SPATA31H1: variants seen among roughly 807,000 people sequenced by gnomAD.
SPATA31H1 encodes SPATA31 subfamily H member 1, also known as spermatogenesis-associated protein 31H1.
At chr2:27,577,848 C>G in the SPATA31H1 span, 1 of 1,614,102 alleles carries the variant, frequency 6.2e-7, no homozygotes. The surrounding 1 kb of genome is among the most constrained non-coding windows in gnomAD (Gnocchi z 4.5). Flanking sequence ...GCAAACAAGT[C>G]AAGTTATAGG....
At chr2:27,542,609 C>T in the SPATA31H1 span, among the ~76,000 whole-genome samples, 3 of 151,886 alleles carry the variant, frequency 2.0e-5, no homozygotes, top group Non-Finnish European at 2.9e-5. Context: ...ATCTTGAAGA[C>T]AGATATGGCT....
the SPATA31H1 span, chr2:27,577,793 T>C: frequency 6.2e-7 from 1 of 1,614,096 alleles, no homozygotes; most frequent in Non-Finnish European, 8.5e-7. The surrounding 1 kb of genome is among the most constrained non-coding windows in gnomAD (Gnocchi z 4.5). Context: ...ATCTGACCTG[T>C]AAGCAATGGC....
chr2:27,556,711 A>AT, the SPATA31H1 span, among the ~76,000 whole-genome samples: 3 of 134,620 alleles, frequency 2.2e-5, no homozygotes, highest in African/African-American at 8.5e-5. Context: ...TTTTTAATTA[A>AT]TTTATTTTTT....
the SPATA31H1 span, among the ~76,000 whole-genome samples, chr2:27,559,125 T>C: frequency 1.3e-5 from 2 of 152,246 alleles, no homozygotes; most frequent in African/African-American, 4.8e-5. Flanking sequence ...ATTTTATATA[T>C]AATTTTGAAG....
chr2:27,545,100 G>T, the SPATA31H1 span, among the ~76,000 whole-genome samples: 1 of 150,526 alleles, frequency 6.6e-6, no homozygotes, highest in East Asian at 2.0e-4. Flanking sequence ...TCGGCTCACT[G>T]CAACCTCCAT....
the SPATA31H1 span, chr2:27,569,898 G>A: frequency 5.5e-5 from 22 of 398,664 alleles, no homozygotes; most frequent in East Asian, 2.8e-4. Context: ...TCTTCAAGGC[G>A]AAAAACCTGT....
the SPATA31H1 span, among the ~76,000 whole-genome samples, chr2:27,542,895 G>A: frequency 6.6e-6 from 1 of 151,888 alleles, no homozygotes; most frequent in African/African-American, 2.4e-5. Flanking sequence ...TCAGGAGTTC[G>A]AGACCACCCT....
chr2:27,549,756 C>G, the SPATA31H1 span, among the ~76,000 whole-genome samples: 1 of 151,938 alleles, frequency 6.6e-6, no homozygotes, highest in Non-Finnish European at 1.5e-5. Context: ...TTGCAGTGAG[C>G]TAAGATCACA....
chr2:27,577,091 T>G, the SPATA31H1 span: 1 of 1,614,140 alleles, frequency 6.2e-7, no homozygotes, highest in Non-Finnish European at 8.5e-7. The surrounding 1 kb of genome is among the most constrained non-coding windows in gnomAD (Gnocchi z 4.5). Flanking sequence ...AAGGCATAGA[T>G]ACTGTAGAGA....
At chr2:27,567,055 T>A in the SPATA31H1 span, 2 of 717,360 alleles carry the variant, frequency 2.8e-6, no homozygotes, top group Non-Finnish European at 5.2e-6. Context: ...AAATCAAAAA[T>A]TTTTCAGAAT....
chr2:27,548,168 A>G, the SPATA31H1 span, among the ~76,000 whole-genome samples: 4 of 151,546 alleles, frequency 2.6e-5, no homozygotes, highest in Admixed American at 2.6e-4. Flanking sequence ...TTTTTAGTAG[A>G]GACGGGGTTT....
At chr2:27,543,370 TTAAGAG>T in the SPATA31H1 span, among the ~76,000 whole-genome samples, 3 of 152,060 alleles carry the variant, frequency 2.0e-5, no homozygotes, top group African/African-American at 7.3e-5. Context: ...AACATCATGT[TTAAGAG>T]TAAAAGACAA....
chr2:27,540,011 G>A, the SPATA31H1 span, among the ~76,000 whole-genome samples: 1 of 130,918 alleles, frequency 7.6e-6, no homozygotes, highest in African/African-American at 2.9e-5. Context: ...TGGCCGGGCG[G>A]GGGGCTGACC....
the SPATA31H1 span, chr2:27,580,959 G>A: frequency 3.2e-5 from 51 of 1,614,048 alleles, no homozygotes; most frequent in Non-Finnish European, 4.2e-5. Context: ...TTCCCAAAGT[G>A]GTATTGCTTT....
chr2:27,560,771 T>G, the SPATA31H1 span, among the ~76,000 whole-genome samples: 3 of 152,266 alleles, frequency 2.0e-5, no homozygotes, highest in Middle Eastern at 3.4e-3. Context: ...ATAAAGAATA[T>G]TTCATTTACT....
the SPATA31H1 span, chr2:27,578,995 T>C: frequency 6.2e-7 from 1 of 1,614,166 alleles, no homozygotes; most frequent in Non-Finnish European, 8.5e-7. Context: ...GCTAACATTG[T>C]GGAAAACCCA....
the SPATA31H1 span, chr2:27,579,938 A>T: frequency 6.2e-7 from 1 of 1,614,022 alleles, no homozygotes; most frequent in Non-Finnish European, 8.5e-7. Context: ...CTATCTGCCT[A>T]CAGTGTGGCC....
At chr2:27,573,684 T>C in the SPATA31H1 span, 2 of 398,308 alleles carry the variant, frequency 5.0e-6, no homozygotes, top group African/African-American at 4.1e-5. Flanking sequence ...ATCTTCTGAG[T>C]TGACCCCAAG....
chr2:27,576,536 C>T, the SPATA31H1 span: 3 of 1,479,834 alleles, frequency 2.0e-6, no homozygotes, highest in South Asian at 4.0e-5. Flanking sequence ...AATCTGTGGC[C>T]TTTGCATCGA....
Sources: allele counts gnomAD v4.1 joint callset (sites outside exome capture counted in the v4.1 genomes callset), GRCh38; gene constraint gnomAD v4.1.1; non-coding constraint Gnocchi (gnomAD v3.1); transcripts MANE v1.5; gene names NCBI Gene and HGNC (gene_info 2026-07-23, HGNC 2026-07-21).